Variants in SLC16A1 observed in about 807,000 individuals in gnomAD.
SLC16A1 encodes monocarboxylate transporter 1.
SLC16A1 carries 11 observed loss-of-function variants against 32.2 expected under a neutral mutation model. The ratio of observed to expected loss-of-function variants is 0.34; its 90% CI spans 0.21 to 0.56. The LOEUF (loss-of-function observed/expected upper bound fraction) is 0.56. Among genes scored for constraint, SLC16A1 ranks in the 20% least tolerant of loss-of-function variants. The pLI is 0.87. For missense variants in SLC16A1, 435 were observed against 615.0 expected (o/e 0.71, Z 3.10); for synonymous variants, 231 against 226.8 (o/e 1.02, Z -0.17).
intron 2 of SLC16A1, chr1:112,923,498 C>A: frequency 1.1e-6 from 1 of 926,072 alleles, no homozygotes. Context: ...TGGAGCACGG[C>A]CACACCAAGA....
intron 2 of SLC16A1, among the ~76,000 whole-genome samples, chr1:112,927,435 G>T (rs878867689): frequency 6.6e-6 from 1 of 152,038 alleles, no homozygotes; most frequent in Admixed American, 6.6e-5. Context: ...ATCTCAAGAC[G>T]TATTAGTGTT....
chr1:112,926,201 T>C (rs1331641088), intron 2 of SLC16A1, among the ~76,000 whole-genome samples: 1 of 152,246 alleles, frequency 6.6e-6, no homozygotes, highest in African/African-American at 2.4e-5. Context: ...ATGTTATGTA[T>C]GTATATATAC....
chr1:112,920,006 CTA>C (rs1648664782), intron 3 of SLC16A1, among the ~76,000 whole-genome samples: 1 of 152,198 alleles, frequency 6.6e-6, no homozygotes. Context: ...ACTTGTTGCT[CTA>C]TCTCTACAGC....
chr1:112,931,452 C>A (rs1196056785), intron 1 of SLC16A1, among the ~76,000 whole-genome samples: 1 of 151,798 alleles, frequency 6.6e-6, no homozygotes, highest in Non-Finnish European at 1.5e-5. Context: ...TCGAGACCAA[C>A]CTTATCAATA....
intron 3 of SLC16A1, among the ~76,000 whole-genome samples, chr1:112,920,527 A>C (rs760000720): frequency 5.3e-5 from 8 of 152,118 alleles, no homozygotes; most frequent in Non-Finnish European, 1.2e-4. Context: ...AATCGCTTGA[A>C]CCCAGGAGGC....
chr1:112,926,387 G>A (rs1648942621), intron 2 of SLC16A1, among the ~76,000 whole-genome samples: 1 of 151,600 alleles, frequency 6.6e-6, no homozygotes, highest in African/African-American at 2.4e-5. Context: ...GGTCAGGAGA[G>A]TTCAAGACCA....
In SLC16A1 at chr1:112,917,207, C is replaced by T; in HGVS notation, c.1199G>A (p.Cys400Tyr). ...AVGLVTIVEC[C>Y]PVLLGPPLLG... is the part of the protein sequence containing the mutation. ...AAGTGGTGGCCCCAGGAGGACAGGA[C>T]AGCATTCCACAATGGTCACCAATCC... Residue 400 changes from cysteine to tyrosine, a missense_variant, in exon 4 of 5, where the codon TGT (cysteine) becomes TAT (tyrosine). Coordinates refer to ENST00000369626, the MANE Select transcript of SLC16A1 (RefSeq NM_003051.4). The surrounding 1 kb of genome is among the most constrained non-coding windows in gnomAD (Gnocchi z 4.1). 6.2e-7 allele frequency: 1 copy of T among 1,614,192 alleles called. No homozygotes were observed. The highest frequency in any genetic ancestry group is 8.5e-7 in the Non-Finnish European group (1 of 1,180,020).
At chr1:112,949,376 T>A (rs769235472) in intron 1 of SLC16A1, among the ~76,000 whole-genome samples, 3 of 151,976 alleles carry the variant, frequency 2.0e-5, no homozygotes, top group Non-Finnish European at 4.4e-5. Context: ...TGCCTTAATT[T>A]GTGACAATCA....
chr1:112,939,053 GT>G (rs60769129), intron 1 of SLC16A1, among the ~76,000 whole-genome samples: 133 of 144,014 alleles, frequency 9.2e-4, no homozygotes, highest in Non-Finnish European at 1.1e-3. Context: ...ACCATGCCCA[GT>G]TTTTTTTTTT....
In SLC16A1 at chr1:112,929,277, T is replaced by G; in HGVS notation, c.32A>C (p.Tyr11Ser). ...GCCCCAGCCTCCATCTGGGGGGGTG[T>G]ATCCAACTGGACCTCCAACTGCTGG... MPPAVGGPVG[Y>S]TPPDGGWGWA... The change falls in exon 2 of 5, where the codon TAC becomes TCC. Residue 11 changes from tyrosine (Y) to serine (S), a missense_variant. Physicochemically the swap from Tyr to Ser is moderately radical, Grantham distance 144 (BLOSUM62 -2). Around this residue, in one of 2 missense-constraint regions of SLC16A1, gnomAD observed 324 missense variants for 500.3 expected, o/e 0.65. Transcript: ENST00000369626. 1 of 1,614,096 alleles carries G rather than the reference T, an allele frequency of 6.2e-7. No homozygotes were observed.
Position 112,929,229 on chromosome 1 carries a change from A to G in SLC16A1, c.80T>C (p.Phe27Ser). 1 of 1,614,190 alleles carries G rather than the reference A, an allele frequency of 6.2e-7. No individual in the cohort carries two copies. Among genetic ancestry groups the G allele is most frequent in the Non-Finnish European group, 8.5e-7 (1 of 1,180,028 alleles). Reference protein sequence around the residue: ...GWGWAVVIGAFISIGFSYAFP... With the variant: ...GWGWAVVIGASISIGFSYAFP... ...TGCATAAGAGAAGCCGATGGAAATGAAAGCTCCAATTACCACTGCCCAGCC... is the reference window on the plus strand; with the variant it reads ...TGCATAAGAGAAGCCGATGGAAATGGAAGCTCCAATTACCACTGCCCAGCC... Residue 27 changes from phenylalanine (F) to serine (S), a missense_variant, in exon 2 of 5, where the codon TTC becomes TCC. Coordinates refer to ENST00000369626, the MANE Select transcript of SLC16A1 (RefSeq NM_003051.4).
Position 112,912,694 on chromosome 1 carries a change from AGAAG to A in SLC16A1, c.*1193_*1196del, listed in dbSNP as rs943165754. ...TCTGTAAGGCCTTCTCTGAAAAAAG[AGAAG>A]GAATTACTTATTAAAACTAAGCACA... is the stretch of plus-strand genomic sequence containing the variant. On this transcript the variant is annotated 3_prime_UTR_variant, in exon 5 of 5. Coordinates refer to ENST00000369626, the MANE Select transcript of SLC16A1 (RefSeq NM_003051.4). 7 of 152,110 alleles carry A rather than the reference AGAAG, an allele frequency of 4.6e-5. No homozygotes were observed. The highest frequency in any genetic ancestry group is 3.3e-4 in the Admixed American group (5 of 15,278). The allele number at this position is 152,110 out of a possible 1,614,324, so 9.4% of individuals were successfully genotyped here. A position where few individuals can be genotyped will look rare whatever the true frequency, so the allele number is the denominator to read the frequency against.
intron 1 of SLC16A1, among the ~76,000 whole-genome samples, chr1:112,951,478 C>G (rs928628811): frequency 1.3e-5 from 2 of 152,112 alleles, no homozygotes; most frequent in African/African-American, 4.8e-5. Flanking sequence ...CAAGAAGCAA[C>G]TGGAAAAGCA....
chr1:112,948,144 C>T (rs184600087), intron 1 of SLC16A1, among the ~76,000 whole-genome samples: 93 of 152,138 alleles, frequency 6.1e-4, no homozygotes, highest in African/African-American at 2.2e-3. Context: ...CGCTTGAACC[C>T]AGGAGGCGGA....
chr1:112,923,676 T>C (rs1390444872), intron 2 of SLC16A1: 2 of 1,517,576 alleles, frequency 1.3e-6, no homozygotes, highest in African/African-American at 2.7e-5. Flanking sequence ...AGTGGACCTC[T>C]TCTACCTGCT....
intron 1 of SLC16A1, among the ~76,000 whole-genome samples, chr1:112,954,266 A>G (rs902218903): frequency 6.6e-6 from 1 of 152,206 alleles, no homozygotes; most frequent in African/African-American, 2.4e-5. Flanking sequence ...TGAGAAATCT[A>G]TTTTCAGGCT....
At chr1:112,932,026 C>G (rs1382071097) in intron 1 of SLC16A1, among the ~76,000 whole-genome samples, 3 of 152,190 alleles carry the variant, frequency 2.0e-5, no homozygotes, top group Non-Finnish European at 4.4e-5. Context: ...TATTAGCACT[C>G]AACTCCAAAA....
chr1:112,944,109 A>G (rs952933653), intron 1 of SLC16A1, among the ~76,000 whole-genome samples: 2 of 152,214 alleles, frequency 1.3e-5, no homozygotes, highest in African/African-American at 2.4e-5. Flanking sequence ...CTCTTTCCAT[A>G]TAACTATGTT....
chr1:112,931,234 T>A (rs1243704263), intron 1 of SLC16A1, among the ~76,000 whole-genome samples: 1 of 152,212 alleles, frequency 6.6e-6, no homozygotes, highest in Non-Finnish European at 1.5e-5. Flanking sequence ...TCAGAAAAGT[T>A]TCCTTTTATC....
Sources: gnomAD v4.1 joint callset for allele counts (sites outside exome capture counted in the v4.1 genomes callset) on GRCh38, gnomAD v4.1.1 for gene constraint, gnomAD v4.1.1 regional missense constraint, Gnocchi (gnomAD v3.1) non-coding constraint, MANE v1.5 for transcripts, NCBI Gene and HGNC (gene_info 2026-07-23, HGNC 2026-07-21) for gene names.